Variants in MYO16 observed in about 807,000 individuals in gnomAD.
MYO16 encodes myosin XVI.
A neutral mutation model predicts 205.3 loss-of-function variants in MYO16; 94 were observed. The ratio of observed to expected loss-of-function variants is 0.46; its 90% CI spans 0.39 to 0.54. The LOEUF (loss-of-function observed/expected upper bound fraction) is 0.54, where lower values mean the gene tolerates loss of function less well. MYO16 is among the 20% of genes least tolerant of loss of function. The pLI is 0.00. For synonymous variants in MYO16, 988 were observed against 954.0 expected, an observed-to-expected ratio of 1.04 and a Z score of -0.66; for missense variants, 2,315 against 2,387.5, an observed-to-expected ratio of 0.97 and a Z score of 0.63.
At chr13:108,568,859 C>A in the MYO16 span, among the ~76,000 whole-genome samples, 1 of 152,148 alleles carries the variant, frequency 6.6e-6, no homozygotes, top group East Asian at 1.9e-4. Context: ...TCTATTTTGA[C>A]ATAATTTTTC....
At position 109,019,663 on chromosome 13, in the gene MYO16, A is replaced by G. The variant is rs753229773; in HGVS notation, c.2596-48A>G. 2.8e-6 allele frequency: 4 copies of G among 1,445,210 alleles called. No homozygotes were observed. In the South Asian group the frequency reaches 3.7e-5, roughly 13 times the overall value. 89.5% of individuals were successfully genotyped at this position (1,445,210 alleles called of 1,614,324 possible). On this transcript the variant is annotated intron_variant, in intron 22 of 34. Coordinates refer to ENST00000457511, the MANE Select transcript of MYO16 (RefSeq NM_001198950.3). ...ATGCTTGAATAATAACAAAAATATC[A>G]AACTAAGTAATAGACAAAACAACTC...
At chr13:108,742,367 T>G (rs1172242604) in intron 4 of MYO16, among the ~76,000 whole-genome samples, 2 of 152,168 alleles carry the variant, frequency 1.3e-5, no homozygotes, top group African/African-American at 4.8e-5. Flanking sequence ...TACAAATGTT[T>G]TGGCTCCCCC....
rs1394314811 is a variant in MYO16 at position 109,040,385 on chromosome 13, C to CACACACACAGAGAG, written c.2797-6530_2797-6529insCACACACAGAGAGA. Among the ~76,000 whole-genome samples the CACACACACAGAGAG allele has an allele frequency of 2.6e-5, 3 of 113,286 alleles. No individual in the cohort carries two copies. The South Asian group carries it at 1.1e-3, about 41-fold the overall frequency. The allele number at this position is 113,286 out of a possible 152,430, so 74.3% of individuals were successfully genotyped here. A position where few individuals can be genotyped will look rare whatever the true frequency, so the allele number is the denominator to read the frequency against. On this transcript the variant is annotated intron_variant, in intron 23 of 34. Transcript: ENST00000457511. ...ATACACACACACACACACACACACA[C>CACACACACAGAGAG]AGAGAGAGAGAGAGAGAGAGAGAGA...
rs1019830401 is a variant in MYO16, at chr13:109,048,088, A to G, written c.2872+1097A>G. 1.1e-4 allele frequency among the ~76,000 whole-genome samples: 16 copies of G among 152,020 alleles called. No homozygotes were observed. In the East Asian group the frequency reaches 3.1e-3, roughly 29 times the overall value. On this transcript the variant is annotated intron_variant, in intron 24 of 34. Coordinates refer to ENST00000457511, the MANE Select transcript of MYO16 (RefSeq NM_001198950.3). ...CACTTCTCTTTTATGGAGATCTAAT[A>G]TATAGCATGTATTTAAAAGTTTACA... is the stretch of plus-strand genomic sequence containing the variant.
intron 11 of MYO16, among the ~76,000 whole-genome samples, chr13:108,864,649 T>C (rs1878616037): frequency 6.6e-6 from 1 of 151,798 alleles, no homozygotes; most frequent in Non-Finnish European, 1.5e-5. Flanking sequence ...CTGCCTCAGC[T>C]TCCTGAGTAG....
intron 21 of MYO16, among the ~76,000 whole-genome samples, chr13:109,004,066 G>C (rs774447466): frequency 6.6e-6 from 1 of 151,992 alleles, no homozygotes; most frequent in Admixed American, 6.6e-5. Context: ...TTATCATTTC[G>C]CACAGTAATA....
At chr13:109,130,439 C>T (rs1031627627) in intron 31 of MYO16, among the ~76,000 whole-genome samples, 1 of 152,238 alleles carries the variant, frequency 6.6e-6, no homozygotes, top group African/African-American at 2.4e-5. Context: ...AGTCTTTGAT[C>T]TCCTGCAACT....
intron 20 of MYO16, among the ~76,000 whole-genome samples, chr13:108,978,531 G>A (rs1050676428): frequency 1.3e-5 from 2 of 151,850 alleles, no homozygotes; most frequent in African/African-American, 4.8e-5. Flanking sequence ...TTGCATTGAT[G>A]TTTATTTTTT....
At chr13:108,760,440 T>C (rs1885568527) in intron 4 of MYO16, among the ~76,000 whole-genome samples, 1 of 152,006 alleles carries the variant, frequency 6.6e-6, no homozygotes, top group Non-Finnish European at 1.5e-5. Flanking sequence ...TGCTTCTTCT[T>C]GGCTGACAGT....
chr13:108,833,558 A>G (rs1023897019), intron 9 of MYO16, among the ~76,000 whole-genome samples: 1 of 152,242 alleles, frequency 6.6e-6, no homozygotes, highest in Non-Finnish European at 1.5e-5. Flanking sequence ...TGTTGTCCTC[A>G]TGTATCTCAA....
intron 27 of MYO16, among the ~76,000 whole-genome samples, chr13:109,058,792 C>T (rs977846391): frequency 2.6e-5 from 4 of 152,080 alleles, no homozygotes; most frequent in Non-Finnish European, 2.9e-5. Flanking sequence ...CTGTAGCATG[C>T]GAAGCTGCAA....
At chr13:108,534,931 T>G in the MYO16 span, among the ~76,000 whole-genome samples, 2 of 150,914 alleles carry the variant, frequency 1.3e-5, no homozygotes, top group Admixed American at 1.3e-4. Flanking sequence ...CTCTTCCTTC[T>G]TCCTCTCTTC....
the MYO16 span, among the ~76,000 whole-genome samples, chr13:108,537,794 T>C: frequency 1.3e-5 from 2 of 152,058 alleles, no homozygotes; most frequent in Non-Finnish European, 2.9e-5. Flanking sequence ...TGTTTTCCAC[T>C]TGTATGTCTT....
chr13:108,760,325 A>T (rs1035192140), intron 4 of MYO16, among the ~76,000 whole-genome samples: 1 of 152,178 alleles, frequency 6.6e-6, no homozygotes, highest in East Asian at 1.9e-4. Context: ...GTTTCCTGGC[A>T]GAGTTATCTT....
chr13:109,171,603 T>C (rs1003712771), intron 33 of MYO16, among the ~76,000 whole-genome samples: 1 of 152,234 alleles, frequency 6.6e-6, no homozygotes, highest in Non-Finnish European at 1.5e-5. Context: ...TTTTTTTGTA[T>C]ATTTAATTAT....
At chr13:108,920,791 C>T (rs147512430) in intron 16 of MYO16, among the ~76,000 whole-genome samples, 19 of 152,244 alleles carry the variant, frequency 1.2e-4, no homozygotes, top group Non-Finnish European at 2.1e-4. Flanking sequence ...TTGTTTATTC[C>T]GTATAAATAA....
chr13:109,013,320 T>C (rs1257980536), intron 22 of MYO16, among the ~76,000 whole-genome samples: 2 of 152,148 alleles, frequency 1.3e-5, no homozygotes, highest in Non-Finnish European at 2.9e-5. Flanking sequence ...GGCTGCATAG[T>C]ATTCCATGGT....
chr13:108,624,517 G>A (rs1054580538), intron 1 of MYO16, among the ~76,000 whole-genome samples: 1 of 152,102 alleles, frequency 6.6e-6, no homozygotes, highest in African/African-American at 2.4e-5. Context: ...ATTAAGATAT[G>A]CAAACTTTTG....
chr13:108,853,954 T>TTGTGGGTGTGTG (rs1555305769), intron 10 of MYO16, among the ~76,000 whole-genome samples: 17 of 138,594 alleles, frequency 1.2e-4, no homozygotes, highest in African/African-American at 4.3e-4. Context: ...GTTTCTATTA[T>TTGTGGGTGTGTG]TGTGTGTGTG....
Sources: gnomAD v4.1 joint callset for allele counts (sites outside exome capture counted in the v4.1 genomes callset) on GRCh38, gnomAD v4.1.1 for gene constraint, MANE v1.5 for transcripts, NCBI Gene and HGNC (gene_info 2026-07-23, HGNC 2026-07-21) for gene names.